Variants in CPA6 observed in about 807,000 individuals in gnomAD.
CPA6 encodes the protein carboxypeptidase B.
In CPA6, 58 loss-of-function variants were observed where a neutral mutation model predicts 63.3. The ratio of observed to expected loss-of-function variants is 0.92; its 90% CI spans 0.74 to 1.14. CPA6 has a LOEUF of 1.14. CPA6 is among the 50% of genes most tolerant of loss of function. The pLI, the probability that CPA6 is intolerant of heterozygous loss-of-function variation, is 0.00. For synonymous variants in CPA6, 185 were observed against 179.0 expected, an observed-to-expected ratio of 1.03 and a Z score of -0.27; for missense variants, 565 against 526.6, an observed-to-expected ratio of 1.07 and a Z score of -0.71.
At chr8:67,604,481 T>G (rs11995823) in intron 2 of CPA6, among the ~76,000 whole-genome samples, 2,933 of 152,264 alleles carry the variant, frequency 0.019, 104 homozygotes, top group African/African-American at 0.065. Context: ...GTCCCTTACC[T>G]TTTTCCCTGC....
Position 67,518,027 on chromosome 8 carries a change from G to T in CPA6, c.213C>A (p.Ser71Arg). The stretch of plus-strand genomic sequence containing the variant: ...TTCCCTCTGATACATAGGAGATACT[G>T]CTGGGCTGCCACAGGTCCACCTGTA... The part of the protein sequence containing the change: ...YQLKVDLWQP[S>R]SISYVSEGTV... Residue 71 changes from serine to arginine, a missense_variant, in exon 3 of 11, where the codon AGC becomes AGA. Coordinates refer to ENST00000297770, the MANE Select transcript of CPA6 (RefSeq NM_020361.5). 1 of 1,602,550 alleles carries T rather than the reference G, an allele frequency of 6.2e-7. No individual in the cohort carries two copies. Among genetic ancestry groups the T allele is most frequent in the Non-Finnish European group, 8.5e-7 (1 of 1,175,768 alleles).
Position 67,634,219 on chromosome 8 carries a change from AT to A in CPA6, c.117-9969del, listed in dbSNP as rs1399875253. On this transcript the variant is annotated intron_variant, in intron 1 of 10. Coordinates refer to ENST00000297770, the MANE Select transcript of CPA6 (RefSeq NM_020361.5). ...TATTATTATTATTATTATTATTATT[AT>A]TTATTTGTTTTTTTTTTGAGACGGA... Among the ~76,000 whole-genome samples, 51 of 102,256 alleles carry A rather than the reference AT, an allele frequency of 5.0e-4. 4 individuals carry two copies. The highest frequency in any genetic ancestry group is 1.8e-3 in the African/African-American group (44 of 24,964). The allele number at this position is 102,256 out of a possible 152,430, so 67.1% of individuals were successfully genotyped here.
At chr8:67,684,729 C>G (rs187956835) in intron 1 of CPA6, among the ~76,000 whole-genome samples, 1 of 152,138 alleles carries the variant, frequency 6.6e-6, no homozygotes, top group Non-Finnish European at 1.5e-5. Context: ...GAACCTTCTC[C>G]TAGGCCCATC....
intron 8 of CPA6, among the ~76,000 whole-genome samples, chr8:67,464,181 TTTA>T (rs1215241343): frequency 6.6e-5 from 10 of 152,322 alleles, no homozygotes; most frequent in Non-Finnish European, 7.4e-5. Context: ...ATCTGTTATT[TTTA>T]TTATTATTTT....
At chr8:67,600,766 G>A (rs1269859799) in intron 2 of CPA6, among the ~76,000 whole-genome samples, 1 of 152,242 alleles carries the variant, frequency 6.6e-6, no homozygotes, top group East Asian at 1.9e-4. Flanking sequence ...ATTTAGATAC[G>A]TTTTTAATAG....
At chr8:67,705,693 TTATC>T (rs1024162091) in intron 1 of CPA6, among the ~76,000 whole-genome samples, 32 of 152,304 alleles carry the variant, frequency 2.1e-4, no homozygotes, top group Admixed American at 1.8e-3. Flanking sequence ...ACCTAAATCT[TTATC>T]TATTAACTTC....
chr8:67,656,333 T>A (rs542491658), intron 1 of CPA6, among the ~76,000 whole-genome samples: 2 of 152,222 alleles, frequency 1.3e-5, no homozygotes, highest in Non-Finnish European at 2.9e-5. Flanking sequence ...TAGTTTCTAT[T>A]TGAGACATCT....
intron 8 of CPA6, among the ~76,000 whole-genome samples, chr8:67,469,557 G>C (rs1202210091): frequency 6.6e-6 from 1 of 152,180 alleles, no homozygotes; most frequent in Non-Finnish European, 1.5e-5. Context: ...AATGAGGTGA[G>C]ATTGCACCAC....
At chr8:67,736,650 G>A (rs1456388018) in intron 1 of CPA6, among the ~76,000 whole-genome samples, 1 of 152,034 alleles carries the variant, frequency 6.6e-6, no homozygotes, top group Non-Finnish European at 1.5e-5. Context: ...TTCATGTAAT[G>A]AGTTCTTCCA....
intron 8 of CPA6, among the ~76,000 whole-genome samples, chr8:67,467,382 T>C (rs1810949935): frequency 6.6e-6 from 1 of 152,160 alleles, no homozygotes; most frequent in African/African-American, 2.4e-5. Context: ...TTCCCCTCCA[T>C]TCCCACAAGC....
chr8:67,484,610 G>T, intron 7 of CPA6, 69 bp downstream of exon 7: 1 of 803,866 alleles, frequency 1.2e-6, no homozygotes, highest in Non-Finnish European at 2.1e-6. Context: ...TCCTGTCCTG[G>T]AAGTTTGTGA....
rs140647673 is a variant in CPA6 at position 67,468,221 on chromosome 8, A to G, written c.838+15547T>C. On this transcript the variant is annotated intron_variant, in intron 8 of 10. Transcript: ENST00000297770. ...TGTTTTATCTTAAAAATTCACATGA[A>G]CTCTAAGGTTTATTTGATTATATGT... Among the ~76,000 whole-genome samples the G allele has an allele frequency of 2.0e-4, 31 of 152,048 alleles. No individual in the cohort carries two copies. The East Asian group carries it at 3.1e-3, about 15-fold the overall frequency.
intron 1 of CPA6, among the ~76,000 whole-genome samples, chr8:67,723,316 C>CT (rs5892095): frequency 0.048 from 7,239 of 152,128 alleles, 314 homozygotes; most frequent in African/African-American, 0.11. Context: ...ACTCTTAAAA[C>CT]TTTTTTTGAC....
intron 8 of CPA6, among the ~76,000 whole-genome samples, chr8:67,472,044 A>AAAT (rs1347639284): frequency 6.6e-6 from 1 of 152,230 alleles, no homozygotes; most frequent in Non-Finnish European, 1.5e-5. Flanking sequence ...GTTATCAGTG[A>AAAT]AATCAGAAAT....
At chr8:67,438,428 G>A (rs1810212563) in intron 8 of CPA6, among the ~76,000 whole-genome samples, 1 of 152,184 alleles carries the variant, frequency 6.6e-6, no homozygotes, top group Non-Finnish European at 1.5e-5. Flanking sequence ...TATATCCAAT[G>A]TTTTTATTAA....
At chr8:67,451,383 C>G (rs1200148030) in intron 8 of CPA6, among the ~76,000 whole-genome samples, 2 of 152,158 alleles carry the variant, frequency 1.3e-5, no homozygotes, top group Non-Finnish European at 2.9e-5. Context: ...GTTGTGTGCT[C>G]CTTATGAGAA....
intron 8 of CPA6, among the ~76,000 whole-genome samples, chr8:67,469,710 G>C (rs1299822201): frequency 1.3e-5 from 2 of 152,226 alleles, no homozygotes; most frequent in Non-Finnish European, 2.9e-5. Flanking sequence ...CACATCCCTG[G>C]GTTTCCAGCC....
intron 1 of CPA6, chr8:67,735,792 T>C (rs1007105289): frequency 6.6e-6 from 1 of 151,454 alleles, no homozygotes; most frequent in African/African-American, 2.4e-5. Context: ...CTCTTAAAAA[T>C]AGAATCAACT....
chr8:67,639,548 T>C (rs1815543344), intron 1 of CPA6, among the ~76,000 whole-genome samples: 1 of 151,564 alleles, frequency 6.6e-6, no homozygotes, highest in South Asian at 2.1e-4. Flanking sequence ...CTTCCACAGC[T>C]GACACCAGGG....
Sources: allele counts gnomAD v4.1 joint callset (sites outside exome capture counted in the v4.1 genomes callset), GRCh38; gene constraint gnomAD v4.1.1; transcripts MANE v1.5; gene names NCBI Gene and HGNC (gene_info 2026-07-23, HGNC 2026-07-21).